FGF12: variants seen among roughly 807,000 people sequenced by gnomAD.
FGF12 encodes fibroblast growth factor 12, also known as fibroblast growth factor 12B.
FGF12 carries 14 observed loss-of-function variants against 23.6 expected under a neutral mutation model. That is an observed-to-expected ratio of 0.59 (90% CI 0.39 to 0.93). The LOEUF is 0.93. FGF12 is among the 40% of genes least tolerant of loss of function. FGF12 has a pLI of 0.00. For synonymous variants in FGF12, 62 were observed against 77.3 expected (o/e 0.80, Z 1.04); for missense variants, 175 against 217.8 (o/e 0.80, Z 1.24).
At chr3:192,338,373 C>T (rs1717522147) in intron 3 of FGF12, among the ~76,000 whole-genome samples, 1 of 152,168 alleles carries the variant, frequency 6.6e-6, no homozygotes, top group Admixed American at 6.5e-5. Context: ...CTCTAATATC[C>T]ATTTTTGCCT....
chr3:192,567,763 TTCTTTCTTTCTTTC>T (rs1233492913), intron 2 of FGF12, among the ~76,000 whole-genome samples: 2 of 131,778 alleles, frequency 1.5e-5, no homozygotes, highest in East Asian at 4.0e-4. Flanking sequence ...CTTTCTTTCT[TTCTTTCTTTCTTTC>T]TTTCTTTCTT....
chr3:192,552,534 T>TC (rs1249645914), intron 2 of FGF12, among the ~76,000 whole-genome samples: 1 of 78,390 alleles, frequency 1.3e-5, no homozygotes, highest in Non-Finnish European at 3.0e-5. Context: ...TTAAAATGTA[T>TC]CAAAAAAAAC....
At chr3:192,252,393 G>T (rs1163377384) in intron 4 of FGF12, among the ~76,000 whole-genome samples, 1 of 141,378 alleles carries the variant, frequency 7.1e-6, no homozygotes, top group Non-Finnish European at 1.5e-5. Flanking sequence ...AACCCAGGAA[G>T]TGGAGGTTGC....
At chr3:192,204,638 C>T (rs1717548565) in intron 4 of FGF12, among the ~76,000 whole-genome samples, 3 of 152,120 alleles carry the variant, frequency 2.0e-5, no homozygotes, top group African/African-American at 7.2e-5. Context: ...GTAATCCCAG[C>T]ACTTTGGGAG....
intron 4 of FGF12, among the ~76,000 whole-genome samples, chr3:192,319,192 C>T (rs1352949539): frequency 1.3e-5 from 2 of 152,140 alleles, no homozygotes; most frequent in African/African-American, 2.4e-5. Context: ...GCAAAAAATT[C>T]ACTGGTAATA....
rs1334594660 is a variant in FGF12, at chr3:192,167,757, ATATATATATATAAAATT to A, written c.427+2684_427+2700del. Among the ~76,000 whole-genome samples, 81 of 30,574 alleles carry A rather than the reference ATATATATATATAAAATT, an allele frequency of 2.6e-3. 2 individuals carry two copies. The highest frequency in any genetic ancestry group is 3.1e-3 in the Non-Finnish European group (51 of 16,326). 20.1% of individuals were successfully genotyped at this position (30,574 alleles called of 152,430 possible). A position where few individuals can be genotyped will look rare whatever the true frequency, so the allele number is the denominator to read the frequency against. On this transcript the variant is annotated intron_variant, in intron 5 of 5. Transcript: ENST00000445105. ...TATATATATATATATATATATATAT[ATATATATATATAAAATT>A]TTTTTTTTTTTTTTTTTTTGAGAAA...
intron 4 of FGF12, among the ~76,000 whole-genome samples, chr3:192,232,887 A>AT (rs552716993): frequency 1.3e-5 from 2 of 151,924 alleles, no homozygotes; most frequent in Non-Finnish European, 2.9e-5. Context: ...TGATTTTGTT[A>AT]TTTTTTTATG....
chr3:192,220,413 C>G (rs866344107), intron 4 of FGF12, among the ~76,000 whole-genome samples: 3 of 152,160 alleles, frequency 2.0e-5, no homozygotes, highest in Non-Finnish European at 4.4e-5. Context: ...TCAACTTATG[C>G]TTTCATTCCA....
chr3:192,672,021 G>A (rs1673799613), intron 2 of FGF12, among the ~76,000 whole-genome samples: 7 of 152,224 alleles, frequency 4.6e-5, no homozygotes, highest in Admixed American at 4.6e-4. Context: ...AAGACAGAGT[G>A]CGGCTTACTC....
At position 192,521,817 on chromosome 3, in the gene FGF12, A is replaced by T. The variant is rs187733094; in HGVS notation, c.14-161279T>A. On this transcript the variant is annotated intron_variant, in intron 2 of 5. Coordinates refer to ENST00000445105, the MANE Select transcript of FGF12 (RefSeq NM_004113.6). ...CTTGCACATGTATATTTTCCCCCCA[A>T]GAGACTATGAGCCTTTTCGCCTCCA... 6.6e-5 allele frequency among the ~76,000 whole-genome samples: 10 copies of T among 152,200 alleles called. No individual in the cohort carries two copies. The East Asian group carries it at 1.9e-3, about 29-fold the overall frequency.
chr3:192,618,498 G>A (rs1035556158), intron 2 of FGF12, among the ~76,000 whole-genome samples: 1 of 152,128 alleles, frequency 6.6e-6, no homozygotes. Context: ...CTTACAGTAT[G>A]ATAGACAAGA....
chr3:192,465,691 G>C (rs536507885), intron 2 of FGF12, among the ~76,000 whole-genome samples: 1 of 152,176 alleles, frequency 6.6e-6, no homozygotes, highest in South Asian at 2.1e-4. Flanking sequence ...GGGTGCCTAC[G>C]TGACTGTCGC....
At chr3:192,301,466 G>C (rs1650027474) in intron 4 of FGF12, among the ~76,000 whole-genome samples, 1 of 152,164 alleles carries the variant, frequency 6.6e-6, no homozygotes, top group Non-Finnish European at 1.5e-5. Context: ...GATATCCAAT[G>C]GTATAGAAAC....
intron 2 of FGF12, among the ~76,000 whole-genome samples, chr3:192,590,888 C>T (rs147812747): frequency 7.2e-5 from 11 of 152,014 alleles, no homozygotes; most frequent in African/African-American, 2.6e-4. Flanking sequence ...TGATAGCTTG[C>T]TGTTCTTGAC....
At chr3:192,312,057 T>C (rs1226684886) in intron 4 of FGF12, among the ~76,000 whole-genome samples, 1 of 152,164 alleles carries the variant, frequency 6.6e-6, no homozygotes, top group African/African-American at 2.4e-5. Context: ...TTATATATTC[T>C]AGATACAAAT....
intron 4 of FGF12, among the ~76,000 whole-genome samples, chr3:192,306,096 G>A (rs992313717): frequency 3.3e-5 from 5 of 151,986 alleles, no homozygotes; most frequent in South Asian, 2.1e-4. Flanking sequence ...TCCTGACCTC[G>A]TGATCCACCT....
rs1393198304 is a variant in FGF12, at chr3:192,409,792, G to A, written c.14-49254C>T. On this transcript the variant is annotated intron_variant, in intron 2 of 5. Transcript: ENST00000445105. The surrounding 1 kb of genome is among the most constrained non-coding windows in gnomAD (Gnocchi z 4.8). ...CCGAGGGCGCAACCCGGGCGCTTGG[G>A]GCCGGAGGCGGAATCAGGGGCCGGG... Among the ~76,000 whole-genome samples, 3 of 152,076 alleles carry A rather than the reference G, an allele frequency of 2.0e-5. No homozygotes were observed. The highest frequency in any genetic ancestry group is 1.9e-4 in the East Asian group (1 of 5,162).
At chr3:192,334,164 A>C (rs1717272484) in intron 4 of FGF12, among the ~76,000 whole-genome samples, 1 of 152,132 alleles carries the variant, frequency 6.6e-6, no homozygotes, top group Non-Finnish European at 1.5e-5. Flanking sequence ...AGGGAACTCC[A>C]GAGAACAACT....
intron 4 of FGF12, among the ~76,000 whole-genome samples, chr3:192,333,199 A>G (rs1476439726): frequency 6.6e-6 from 1 of 152,114 alleles, no homozygotes; most frequent in African/African-American, 2.4e-5. Context: ...TCTCCTGCTT[A>G]CAATACTGTT....
Sources: gnomAD v4.1 joint callset for allele counts (sites outside exome capture counted in the v4.1 genomes callset) on GRCh38, gnomAD v4.1.1 for gene constraint, Gnocchi (gnomAD v3.1) non-coding constraint, MANE v1.5 for transcripts, NCBI Gene and HGNC (gene_info 2026-07-23, HGNC 2026-07-21) for gene names.